Variants in LCORL observed in about 807,000 individuals in gnomAD.
The protein encoded by LCORL is ligand dependent nuclear receptor corepressor like.
In LCORL, 41 loss-of-function variants were observed where a neutral mutation model predicts 141.8. The observed-to-expected ratio is 0.29, with a 90% CI of 0.23 to 0.38. The LOEUF (loss-of-function observed/expected upper bound fraction) is 0.38. LCORL is among the 10% of genes least tolerant of loss of function. LCORL has a pLI of 1.00. For missense variants in LCORL, 1,759 were observed against 2,035.0 expected, an observed-to-expected ratio of 0.86 and a Z score of 2.61; for synonymous variants, 618 against 694.1, an observed-to-expected ratio of 0.89 and a Z score of 1.72.
At chr4:18,020,551 G>A (rs1402989553) in intron 1 of LCORL, 1 of 146,656 alleles carries the variant, frequency 6.8e-6, no homozygotes, top group Non-Finnish European at 1.5e-5. Flanking sequence ...ACAGCTCTAT[G>A]CATTCGTCTT....
chr4:17,912,249 C>T (rs866662332), intron 4 of LCORL: 1 of 722,768 alleles, frequency 1.4e-6, no homozygotes, highest in South Asian at 1.3e-5. Flanking sequence ...ACATTATGGG[C>T]TCCTGCAAGG....
intron 1 of LCORL, among the ~76,000 whole-genome samples, chr4:17,973,965 A>G (rs1310042922): frequency 6.6e-6 from 1 of 152,044 alleles, no homozygotes; most frequent in Non-Finnish European, 1.5e-5. Context: ...TAAATATGTA[A>G]TGAAATAAAA....
In LCORL at chr4:17,874,877, CTGACTTT is replaced by C; in HGVS notation, c.4106_4112del (p.Lys1369ArgfsTer10). 1 of 1,233,676 alleles carries C rather than the reference CTGACTTT, an allele frequency of 8.1e-7. No homozygotes were observed. The highest frequency in any genetic ancestry group is 1.0e-6 in the Non-Finnish European group (1 of 987,762). The allele number at this position is 1,233,676 out of a possible 1,614,324, so 76.4% of individuals were successfully genotyped here. ...TCTTTGAGTGCCTATGTTTTTCCTTCTGACTTTTATTTTTCTGCAAATGCAGTTTATA... is the reference window on the plus strand; with the variant it reads ...TCTTTGAGTGCCTATGTTTTTCCTTCTATTTTTCTGCAAATGCAGTTTATA... On this transcript the variant is annotated frameshift_variant, in exon 7 of 8. Transcript: ENST00000635767. LOFTEE classifies it high-confidence loss of function.
intron 5 of LCORL, among the ~76,000 whole-genome samples, chr4:17,887,369 C>G (rs930573189): frequency 3.3e-5 from 5 of 151,992 alleles, no homozygotes; most frequent in African/African-American, 7.3e-5. Context: ...ACAGAGTAAG[C>G]TGATAGAGTA....
intron 1 of LCORL, among the ~76,000 whole-genome samples, chr4:18,007,349 A>G (rs1330556033): frequency 1.3e-5 from 2 of 152,216 alleles, no homozygotes; most frequent in African/African-American, 4.8e-5. Flanking sequence ...AATTACTACT[A>G]TATCCTGCTT....
At chr4:17,976,377 G>A (rs1190471060) in intron 1 of LCORL, among the ~76,000 whole-genome samples, 1 of 152,040 alleles carries the variant, frequency 6.6e-6, no homozygotes, top group Middle Eastern at 3.2e-3. Flanking sequence ...TGAGAAGTTT[G>A]TAGTATTCCA....
At chr4:17,875,718 T>C (rs969365815) in exon 7 of LCORL, 5 of 1,231,240 alleles carry the variant, frequency 4.1e-6, no homozygotes, top group Non-Finnish European at 2.0e-6. Flanking sequence ...TCGCTTAATC[T>C]GTTTCACAAC....
At chr4:17,952,590 T>C (rs919487086) in intron 4 of LCORL, among the ~76,000 whole-genome samples, 36 of 152,058 alleles carry the variant, frequency 2.4e-4, no homozygotes, top group Non-Finnish European at 4.7e-4. Context: ...TAATTTTTTG[T>C]ATTTTTAGTA....
chr4:17,843,079 ATAGTATAT>A, exon 8 of LCORL: 1 of 381,468 alleles, frequency 2.6e-6, no homozygotes, highest in East Asian at 4.6e-5. Flanking sequence ...AGGTTCTGTT[ATAGTATAT>A]AAAATCATTA....
intron 5 of LCORL, among the ~76,000 whole-genome samples, chr4:17,906,620 G>A (rs111644008): frequency 0.034 from 5,182 of 151,660 alleles, 106 homozygotes; most frequent in African/African-American, 0.057. Flanking sequence ...ACATATACAT[G>A]GATCTGTCTT....
chr4:17,988,806 G>A lies in LCORL; in HGVS notation c.155-15921C>T, dbSNP rs372540773. On this transcript the variant is annotated intron_variant, in intron 1 of 7. Transcript: ENST00000635767. Reference sequence around the variant, plus strand: ...TCGAGACCAGCCTGGCCCACATGGCGAAACCCTATCTCTACGAAAAACACA... The same window carrying A: ...TCGAGACCAGCCTGGCCCACATGGCAAAACCCTATCTCTACGAAAAACACA... 3.4e-4 allele frequency among the ~76,000 whole-genome samples: 51 copies of A among 152,182 alleles called. No homozygotes were observed. In the East Asian group the frequency reaches 8.3e-3, roughly 25 times the overall value.
intron 4 of LCORL, among the ~76,000 whole-genome samples, chr4:17,929,438 A>G (rs1270330403): frequency 2.0e-5 from 3 of 152,230 alleles, no homozygotes; most frequent in African/African-American, 4.8e-5. Flanking sequence ...AACAATGGAA[A>G]AGAATCGAGT....
intron 4 of LCORL, among the ~76,000 whole-genome samples, chr4:17,910,333 G>A (rs916838287): frequency 1.3e-5 from 2 of 152,124 alleles, no homozygotes; most frequent in African/African-American, 4.8e-5. Flanking sequence ...TGCCCCTTTA[G>A]ATGTAAGGTG....
intron 1 of LCORL, among the ~76,000 whole-genome samples, chr4:18,019,087 ACT>A (rs1725080917): frequency 6.6e-6 from 1 of 152,324 alleles, no homozygotes; most frequent in Non-Finnish European, 1.5e-5. Flanking sequence ...ACAAGTGTAT[ACT>A]CTGTTTAAAT....
At chr4:17,994,440 T>C (rs965491078) in intron 1 of LCORL, among the ~76,000 whole-genome samples, 4 of 152,158 alleles carry the variant, frequency 2.6e-5, no homozygotes, top group East Asian at 1.9e-4. Flanking sequence ...CCAACCCCCA[T>C]TTCCATTCCC....
Position 17,878,345 on chromosome 4 carries a change from G to T in LCORL, c.777-132C>A, listed in dbSNP as rs114746112. 506 of 484,994 alleles carry T rather than the reference G, an allele frequency of 1.0e-3. 4 individuals are homozygous for T. The highest frequency in any genetic ancestry group is 9.1e-3 in the African/African-American group (454 of 50,118). 30.0% of individuals were successfully genotyped at this position (484,994 alleles called of 1,614,324 possible). A position where few individuals can be genotyped will look rare whatever the true frequency, so the allele number is the denominator to read the frequency against. ...CTGACTCCTAGAGAGCTGCAATAAT[G>T]GCATTTTGATTATTGTTTAGCAAAA... is the stretch of plus-strand genomic sequence containing the variant. On this transcript the variant is annotated intron_variant, in intron 6 of 7. Coordinates refer to ENST00000635767, the Ensembl canonical transcript of LCORL.
At chr4:17,986,371 G>A (rs563721201) in intron 1 of LCORL, among the ~76,000 whole-genome samples, 10 of 152,208 alleles carry the variant, frequency 6.6e-5, no homozygotes, top group Admixed American at 2.0e-4. Flanking sequence ...TTTCTATTTC[G>A]CTGTCCCTTC....
intron 4 of LCORL, among the ~76,000 whole-genome samples, chr4:17,947,680 T>A (rs1478998506): frequency 3.3e-5 from 5 of 151,990 alleles, no homozygotes; most frequent in African/African-American, 1.2e-4. Flanking sequence ...AATTATAAAT[T>A]GTCAATTTAC....
chr4:17,906,386 G>A (rs769046348), intron 5 of LCORL, among the ~76,000 whole-genome samples: 16 of 151,920 alleles, frequency 1.1e-4, no homozygotes, highest in African/African-American at 1.9e-4. Context: ...ACTCTTCCCC[G>A]TGCCCTCTAT....
Sources: gnomAD v4.1 joint callset for allele counts (sites outside exome capture counted in the v4.1 genomes callset) on GRCh38, gnomAD v4.1.1 for gene constraint, MANE v1.5 for transcripts, NCBI Gene and HGNC (gene_info 2026-07-23, HGNC 2026-07-21) for gene names.